The following SSBP3 variants were observed in gnomAD, a reference collection of about 807,000 sequenced individuals.
The protein encoded by SSBP3 is single stranded DNA binding protein 3, also known as single-stranded DNA-binding protein 3.
A neutral mutation model predicts 69.6 loss-of-function variants in SSBP3; 5 were observed. That is an observed-to-expected ratio of 0.07 (90% confidence interval 0.04 to 0.15). The LOEUF is 0.15. Ranked by LOEUF, SSBP3 falls within the 10% of genes least tolerant of loss-of-function variation. SSBP3 has a pLI of 1.00. For missense variants in SSBP3, 312 were observed against 534.0 expected (o/e 0.58, Z 4.10); for synonymous variants, 196 against 193.4 (o/e 1.01, Z -0.11).
chr1:54,311,192 C>T (rs561845134), intron 4 of SSBP3, among the ~76,000 whole-genome samples: 2 of 152,262 alleles, frequency 1.3e-5, no homozygotes, highest in African/African-American at 2.4e-5. Flanking sequence ...GAAGGTCTGG[C>T]GCTGGGCAGC....
chr1:54,340,714 G>A, intron 4 of SSBP3, among the ~76,000 whole-genome samples: 1 of 152,232 alleles, frequency 6.6e-6, no homozygotes, highest in African/African-American at 2.4e-5. Flanking sequence ...TTTCAGAGGT[G>A]GAGAGGCAGG....
chr1:54,350,543 A>G (rs74071654), intron 4 of SSBP3, among the ~76,000 whole-genome samples: 1,606 of 152,348 alleles, frequency 0.011, 29 homozygotes, highest in African/African-American at 0.037. Context: ...TATGGCCTTC[A>G]GATGGTTTTC....
intron 4 of SSBP3, among the ~76,000 whole-genome samples, chr1:54,336,723 C>A (rs1186924145): frequency 2.0e-5 from 3 of 152,254 alleles, no homozygotes; most frequent in Non-Finnish European, 1.5e-5. Flanking sequence ...AATAATCCCA[C>A]ACCAAGGACA....
intron 4 of SSBP3, among the ~76,000 whole-genome samples, chr1:54,294,164 AAAG>A (rs1302924046): frequency 1.0e-3 from 68 of 67,812 alleles, no homozygotes; most frequent in African/African-American, 1.9e-3. Flanking sequence ...AAAAAAAAAG[AAAG>A]AAAGAAAGAA....
intron 4 of SSBP3, among the ~76,000 whole-genome samples, chr1:54,341,548 T>C (rs1014072920): frequency 6.6e-6 from 1 of 152,128 alleles, no homozygotes; most frequent in Non-Finnish European, 1.5e-5. Context: ...GTAAGTGCTG[T>C]GCTGGGCAAG....
chr1:54,405,880 C>A, intron 1 of SSBP3, 73 bp downstream of exon 1: 2 of 233,358 alleles, frequency 8.6e-6, no homozygotes, highest in South Asian at 9.4e-5. Flanking sequence ...GCCCGCCCGC[C>A]CACCTGCCTC....
At chr1:54,383,669 G>A (rs1415566347) in intron 4 of SSBP3, among the ~76,000 whole-genome samples, 1 of 152,076 alleles carries the variant, frequency 6.6e-6, no homozygotes, top group Non-Finnish European at 1.5e-5. Context: ...TATTTCTACA[G>A]AGCTATGAGG....
intron 7 of SSBP3, among the ~76,000 whole-genome samples, chr1:54,254,681 G>A (rs1446154313): frequency 6.6e-6 from 1 of 152,190 alleles, no homozygotes; most frequent in Admixed American, 6.5e-5. Flanking sequence ...GGGTGGCACA[G>A]GGCTTCTGTT....
At chr1:54,341,139 A>T (rs1001337400) in intron 4 of SSBP3, among the ~76,000 whole-genome samples, 13 of 152,182 alleles carry the variant, frequency 8.5e-5, no homozygotes, top group Non-Finnish European at 1.9e-4. Flanking sequence ...TTCCGCAATT[A>T]AACTGAGGCT....
chr1:54,259,290 TAA>T (rs201442998), intron 5 of SSBP3, among the ~76,000 whole-genome samples: 1 of 148,478 alleles, frequency 6.7e-6, no homozygotes, highest in African/African-American at 2.5e-5. Context: ...TCCGAGGTAA[TAA>T]AAAAAAAAGT....
upstream of SSBP3, among the ~76,000 whole-genome samples, chr1:54,410,875 C>T (rs551231453): frequency 1.3e-5 from 2 of 152,190 alleles, no homozygotes; most frequent in African/African-American, 2.4e-5. Context: ...GGAGAGTAGC[C>T]GCTTGGGATG....
intron 4 of SSBP3, among the ~76,000 whole-genome samples, chr1:54,316,662 AAATAAAT>A (rs1217068230): frequency 0.21 from 5,409 of 26,376 alleles, 635 homozygotes; most frequent in Admixed American, 0.28. Flanking sequence ...AAAAAAAATA[AAATAAAT>A]AAATAAATAA....
At chr1:54,306,856 G>A (rs868380999) in intron 4 of SSBP3, among the ~76,000 whole-genome samples, 3 of 152,152 alleles carry the variant, frequency 2.0e-5, no homozygotes, top group Non-Finnish European at 4.4e-5. Flanking sequence ...ACTGAGGCTA[G>A]ACTGCCCAGG....
At position 54,285,681 on chromosome 1, in the gene SSBP3, C is replaced by A. The variant is rs560668399; in HGVS notation, c.277-4154G>T. ...TCCCTCTGTGGTTTCCAACTTTGAGCTGGAGCTCCATTAAGGCGCTCAGCA... is the reference window on the plus strand; with the variant it reads ...TCCCTCTGTGGTTTCCAACTTTGAGATGGAGCTCCATTAAGGCGCTCAGCA... On this transcript the variant is annotated intron_variant, in intron 4 of 17. Transcript: ENST00000610401. Among the ~76,000 whole-genome samples the A allele has an allele frequency of 1.0e-2, 1,519 of 152,226 alleles. 32 individuals are homozygous for A. The highest frequency in any genetic ancestry group is 0.035 in the African/African-American group (1,433 of 41,514).
At chr1:54,277,141 T>C (rs958688136) in intron 5 of SSBP3, among the ~76,000 whole-genome samples, 4 of 152,090 alleles carry the variant, frequency 2.6e-5, no homozygotes, top group African/African-American at 9.7e-5. Flanking sequence ...TCCCCATCTA[T>C]AAATGAGAAG....
At chr1:54,241,033 C>G (rs980484455) in intron 12 of SSBP3, 74 bp from the exon 13 acceptor site, 1 of 1,495,832 alleles carries the variant, frequency 6.7e-7, no homozygotes, top group East Asian at 2.3e-5. Context: ...CATCCTCCCT[C>G]CCTGGTCAGC....
chr1:54,271,221 C>T (rs1250449186), intron 5 of SSBP3, among the ~76,000 whole-genome samples: 1 of 152,136 alleles, frequency 6.6e-6, no homozygotes, highest in African/African-American at 2.4e-5. Context: ...AGCCATCCTC[C>T]CACCTCAGCC....
intron 4 of SSBP3, among the ~76,000 whole-genome samples, chr1:54,290,321 A>T (rs1236597087): frequency 6.6e-6 from 1 of 152,162 alleles, no homozygotes; most frequent in African/African-American, 2.4e-5. Context: ...ACCCTTAGGT[A>T]AGGTGCCCAG....
chr1:54,291,244 G>A (rs1288485356), intron 4 of SSBP3, among the ~76,000 whole-genome samples: 1 of 152,166 alleles, frequency 6.6e-6, no homozygotes, highest in Non-Finnish European at 1.5e-5. Flanking sequence ...TCCTCAGTGA[G>A]CATCAAATTT....
Sources: allele counts gnomAD v4.1 joint callset (sites outside exome capture counted in the v4.1 genomes callset), GRCh38; gene constraint gnomAD v4.1.1; transcripts MANE v1.5; gene names NCBI Gene and HGNC (gene_info 2026-07-23, HGNC 2026-07-21).